The following PPFIA2 variants were observed in gnomAD, a reference collection of about 807,000 sequenced individuals.
PPFIA2 encodes the protein PPFI scaffold protein A2.
PPFIA2 carries 46 observed loss-of-function variants against 175.5 expected under a neutral mutation model. The ratio of observed to expected loss-of-function variants is 0.26; its 90% CI spans 0.21 to 0.34. The LOEUF (loss-of-function observed/expected upper bound fraction) is 0.34. Among genes scored for constraint, PPFIA2 ranks in the 10% least tolerant of loss-of-function variants. The pLI, the probability that PPFIA2 is intolerant of heterozygous loss-of-function variation, is 1.00. For missense variants in PPFIA2, 1,179 were observed against 1,506.1 expected (o/e 0.78, Z 3.60); for synonymous variants, 568 against 511.4 (o/e 1.11, Z -1.49).
chr12:81,461,641 C>A (rs2145922933), intron 4 of PPFIA2, among the ~76,000 whole-genome samples: 1 of 152,182 alleles, frequency 6.6e-6, no homozygotes, highest in Admixed American at 6.6e-5. Flanking sequence ...AGTGTATGCC[C>A]TTTAGAAGTC....
intron 24 of PPFIA2, chr12:81,294,529 GGAAC>G (rs1565965266): frequency 5.2e-6 from 1 of 191,676 alleles, no homozygotes; most frequent in South Asian, 8.7e-5. Context: ...GAGGAACAAA[GGAAC>G]GAAGGAAGGA....
At chr12:81,633,437 T>C (rs2063622533) in intron 4 of PPFIA2, among the ~76,000 whole-genome samples, 1 of 152,034 alleles carries the variant, frequency 6.6e-6, no homozygotes, top group African/African-American at 2.4e-5. Context: ...GGCAATGTTC[T>C]TGAGAGGCAG....
At chr12:81,287,899 C>A (rs1472902704) in intron 24 of PPFIA2, among the ~76,000 whole-genome samples, 1 of 151,754 alleles carries the variant, frequency 6.6e-6, no homozygotes, top group African/African-American at 2.4e-5. Flanking sequence ...TATTGTATAA[C>A]TTGGTTGTGG....
At chr12:81,443,376 T>C (rs1053405587) in intron 6 of PPFIA2, among the ~76,000 whole-genome samples, 1 of 152,162 alleles carries the variant, frequency 6.6e-6, no homozygotes, top group African/African-American at 2.4e-5. Flanking sequence ...AGTCCAGTTG[T>C]CCCTGAACTC....
At chr12:81,375,514 T>G (rs1420084188) in intron 10 of PPFIA2, among the ~76,000 whole-genome samples, 1 of 152,110 alleles carries the variant, frequency 6.6e-6, no homozygotes, top group Non-Finnish European at 1.5e-5. Context: ...TGGTTAGAAT[T>G]AAGTGAGGTA....
intron 4 of PPFIA2, among the ~76,000 whole-genome samples, chr12:81,642,541 A>G (rs1305833727): frequency 6.7e-6 from 1 of 148,820 alleles, no homozygotes; most frequent in Non-Finnish European, 1.5e-5. Context: ...ACAATAAGGG[A>G]CAATGGATAT....
rs558481490 is a variant in PPFIA2 at position 81,598,236 on chromosome 12, C to A, written c.303+78555G>T. ...AGCTGAAAGATCATCAGCCACCGAC[C>A]TTTTGTGAAGCTAGTTCTCTAGAAC... On this transcript the variant is annotated intron_variant, in intron 4 of 32. Transcript: ENST00000549396. 2.4e-4 allele frequency: 319 copies of A among 1,350,572 alleles called. 5 individuals carry two copies. In the South Asian group the frequency reaches 5.4e-3, roughly 23 times the overall value. The allele number at this position is 1,350,572 out of a possible 1,614,324, so 83.7% of individuals were successfully genotyped here.
chr12:81,402,487 A>T (rs2042252060), intron 8 of PPFIA2, among the ~76,000 whole-genome samples: 1 of 152,144 alleles, frequency 6.6e-6, no homozygotes, highest in African/African-American at 2.4e-5. Flanking sequence ...GTAACTTGGG[A>T]GTATTTATAT....
At chr12:81,706,682 G>GTCAGGGT (rs2077192369) in intron 3 of PPFIA2, among the ~76,000 whole-genome samples, 2 of 152,092 alleles carry the variant, frequency 1.3e-5, no homozygotes, top group Non-Finnish European at 2.9e-5. Flanking sequence ...GGGGTCAGGG[G>GTCAGGGT]TCAGGGACCC....
At chr12:81,560,866 C>A (rs1447267395) in intron 4 of PPFIA2, among the ~76,000 whole-genome samples, 1 of 152,212 alleles carries the variant, frequency 6.6e-6, no homozygotes, top group Non-Finnish European at 1.5e-5. Flanking sequence ...AGAAATAAAT[C>A]TATCTGAAAA....
intron 22 of PPFIA2, among the ~76,000 whole-genome samples, chr12:81,304,232 A>G (rs2048585246): frequency 6.6e-6 from 1 of 152,090 alleles, no homozygotes; most frequent in Non-Finnish European, 1.5e-5. Flanking sequence ...GTTGGTTCAC[A>G]AGTTGTGACC....
intron 7 of PPFIA2, among the ~76,000 whole-genome samples, chr12:81,420,637 GA>G (rs2046073645): frequency 6.6e-6 from 1 of 151,456 alleles, no homozygotes. Context: ...AGAGAAAAAT[GA>G]AAAAAAGGGA....
At chr12:81,348,120 C>G (rs922497433) in intron 17 of PPFIA2, among the ~76,000 whole-genome samples, 2 of 152,046 alleles carry the variant, frequency 1.3e-5, no homozygotes, top group African/African-American at 2.4e-5. Context: ...ACCTCAGGAA[C>G]CACTAAAAGA....
intron 4 of PPFIA2, among the ~76,000 whole-genome samples, chr12:81,561,710 C>T (rs1746322630): frequency 6.6e-6 from 1 of 152,128 alleles, no homozygotes; most frequent in African/African-American, 2.4e-5. Context: ...TAGTAACAGA[C>T]GCAAGCTGCC....
chr12:81,635,909 A>ATCTC (rs112608940), intron 4 of PPFIA2, among the ~76,000 whole-genome samples: 4 of 150,218 alleles, frequency 2.7e-5, no homozygotes, highest in African/African-American at 9.7e-5. Flanking sequence ...GGAAAATGCA[A>ATCTC]TCTCTCTCTC....
intron 4 of PPFIA2, among the ~76,000 whole-genome samples, chr12:81,568,297 T>C (rs558850101): frequency 6.6e-6 from 1 of 152,320 alleles, no homozygotes; most frequent in East Asian, 1.9e-4. Flanking sequence ...AGGCCTAGAA[T>C]GTGCTATCTT....
chr12:81,331,541 C>A (rs781583984), intron 21 of PPFIA2, among the ~76,000 whole-genome samples: 6 of 152,050 alleles, frequency 3.9e-5, no homozygotes, highest in Non-Finnish European at 8.8e-5. Flanking sequence ...TGAGTTCAGA[C>A]AATTATAATA....
chr12:81,757,553 AT>A (rs752294695), intron 2 of PPFIA2, among the ~76,000 whole-genome samples: 13 of 152,210 alleles, frequency 8.5e-5, no homozygotes, highest in Admixed American at 3.3e-4. Flanking sequence ...TGGCTTAATT[AT>A]CCCAGTGCTT....
chr12:81,728,484 C>A (rs1019333870), intron 3 of PPFIA2, among the ~76,000 whole-genome samples: 1 of 151,310 alleles, frequency 6.6e-6, no homozygotes, highest in African/African-American at 2.4e-5. Context: ...TTAAATAGTG[C>A]AAGATGAGAA....
Sources: allele counts gnomAD v4.1 joint callset (sites outside exome capture counted in the v4.1 genomes callset), GRCh38; gene constraint gnomAD v4.1.1; transcripts MANE v1.5; gene names NCBI Gene and HGNC (gene_info 2026-07-23, HGNC 2026-07-21).